GRM7: variants seen among roughly 807,000 people sequenced by gnomAD.
GRM7 encodes metabotropic glutamate receptor 7.
GRM7 carries 35 observed loss-of-function variants against 84.5 expected under a neutral mutation model. That is an observed-to-expected ratio of 0.41 (90% CI 0.32 to 0.55). The LOEUF is 0.55. Ranked by LOEUF, GRM7 falls within the 20% of genes least tolerant of loss-of-function variation. GRM7 has a pLI of 0.19. For missense variants in GRM7, 1,003 were observed against 1,194.6 expected (o/e 0.84, Z 2.36); for synonymous variants, 487 against 455.1 (o/e 1.07, Z -0.89).
chr3:7,504,406 A>G (rs1699977851), intron 7 of GRM7, among the ~76,000 whole-genome samples: 1 of 152,202 alleles, frequency 6.6e-6, no homozygotes, highest in Non-Finnish European at 1.5e-5. Context: ...CCCCCATCTT[A>G]GAGTAATTCC....
chr3:7,242,864 G>C (rs1697612594), intron 2 of GRM7, among the ~76,000 whole-genome samples: 2 of 152,096 alleles, frequency 1.3e-5, no homozygotes, highest in African/African-American at 2.4e-5. Flanking sequence ...CCTCCTGGCT[G>C]AACAGTATGG....
At chr3:6,916,888 A>G (rs1696959203) in intron 1 of GRM7, among the ~76,000 whole-genome samples, 1 of 152,220 alleles carries the variant, frequency 6.6e-6, no homozygotes, top group Non-Finnish European at 1.5e-5. Flanking sequence ...AGAAACTGAA[A>G]TGGTGGCTGG....
At chr3:7,124,163 A>G (rs1318925986) in intron 1 of GRM7, among the ~76,000 whole-genome samples, 1 of 152,202 alleles carries the variant, frequency 6.6e-6, no homozygotes, top group Non-Finnish European at 1.5e-5. Flanking sequence ...GATACAGTCA[A>G]AGCAAAAGAC....
chr3:7,225,503 A>G (rs1315272113), intron 2 of GRM7, among the ~76,000 whole-genome samples: 1 of 147,680 alleles, frequency 6.8e-6, no homozygotes, highest in Non-Finnish European at 1.5e-5. Flanking sequence ...TTTCTTTGGC[A>G]TTTTAAGAAA....
At chr3:7,488,313 C>A (rs972491918) in intron 7 of GRM7, among the ~76,000 whole-genome samples, 1 of 152,092 alleles carries the variant, frequency 6.6e-6, no homozygotes, top group South Asian at 2.1e-4. Flanking sequence ...ATGTGAATTT[C>A]CTCACAGTGG....
intron 1 of GRM7, among the ~76,000 whole-genome samples, chr3:6,959,990 G>A (rs539061080): frequency 5.9e-5 from 9 of 152,264 alleles, no homozygotes; most frequent in African/African-American, 2.2e-4. Context: ...GAGGAGGTCA[G>A]ACTAATAGAA....
At chr3:7,453,638 C>G (rs551297516) in intron 6 of GRM7, among the ~76,000 whole-genome samples, 2 of 152,226 alleles carry the variant, frequency 1.3e-5, no homozygotes, top group Non-Finnish European at 2.9e-5. Flanking sequence ...GTGCTGGCCT[C>G]CCCTGCACAA....
intron 5 of GRM7, among the ~76,000 whole-genome samples, chr3:7,435,136 AT>A (rs1246500502): frequency 6.6e-6 from 1 of 151,196 alleles, no homozygotes; most frequent in Non-Finnish European, 1.5e-5. Flanking sequence ...ATCTGTAGTG[AT>A]GAGGTTTCCT....
At chr3:6,993,769 G>T (rs1219514666) in intron 1 of GRM7, among the ~76,000 whole-genome samples, 1 of 152,154 alleles carries the variant, frequency 6.6e-6, no homozygotes, top group Admixed American at 6.5e-5. Flanking sequence ...CAAGCAAACA[G>T]GGCTTAACGA....
chr3:7,270,663 A>C (rs1698820588), intron 2 of GRM7, among the ~76,000 whole-genome samples: 1 of 152,170 alleles, frequency 6.6e-6, no homozygotes, highest in Non-Finnish European at 1.5e-5. Context: ...GCATAACTGT[A>C]AACAAACGCA....
At chr3:7,327,151 A>G (rs1701021399) in intron 4 of GRM7, among the ~76,000 whole-genome samples, 1 of 152,220 alleles carries the variant, frequency 6.6e-6, no homozygotes, top group Non-Finnish European at 1.5e-5. Flanking sequence ...ACTCATCCTG[A>G]GCATGCCTGT....
At chr3:7,475,592 C>T (rs1177775245) in intron 7 of GRM7, among the ~76,000 whole-genome samples, 3 of 152,154 alleles carry the variant, frequency 2.0e-5, no homozygotes, top group Admixed American at 6.5e-5. Flanking sequence ...TTCACTTTCT[C>T]GTCACTGTTA....
intron 2 of GRM7, among the ~76,000 whole-genome samples, chr3:7,184,544 G>A (rs1489994650): frequency 1.3e-5 from 2 of 151,814 alleles, no homozygotes; most frequent in African/African-American, 2.4e-5. Context: ...ATTCTTTTCT[G>A]TTCTCTATCC....
intron 1 of GRM7, among the ~76,000 whole-genome samples, chr3:7,007,855 A>G (rs1695232466): frequency 6.6e-6 from 1 of 152,218 alleles, no homozygotes; most frequent in African/African-American, 2.4e-5. Context: ...GAGAGATTTC[A>G]GTACTGGGAA....
At chr3:7,565,455 A>G (rs1039109809) in intron 7 of GRM7, among the ~76,000 whole-genome samples, 1 of 152,200 alleles carries the variant, frequency 6.6e-6, no homozygotes, top group Non-Finnish European at 1.5e-5. Flanking sequence ...TTTATGAATA[A>G]AACAATGCTC....
chr3:7,548,977 T>A (rs1047395264), intron 7 of GRM7, among the ~76,000 whole-genome samples: 1 of 152,224 alleles, frequency 6.6e-6, no homozygotes, highest in African/African-American at 2.4e-5. Flanking sequence ...GTCTGGGGTG[T>A]CTTACTCAGT....
intron 2 of GRM7, among the ~76,000 whole-genome samples, chr3:7,147,249 A>G (rs757236161): frequency 6.6e-6 from 1 of 152,192 alleles, no homozygotes; most frequent in East Asian, 1.9e-4. Context: ...TTGTTTATTT[A>G]GCTCAGATTG....
intron 1 of GRM7, among the ~76,000 whole-genome samples, chr3:7,082,613 C>T (rs373886998): frequency 6.6e-6 from 1 of 151,974 alleles, no homozygotes; most frequent in African/African-American, 2.4e-5. Context: ...GCTATAGCTG[C>T]CATAGATAGT....
In GRM7 at chr3:6,926,104, A is replaced by G. The variant is rs1697288593; in HGVS notation, c.519+64197A>G. On this transcript the variant is annotated intron_variant, in intron 1 of 9. Coordinates refer to ENST00000357716, the MANE Select transcript of GRM7 (RefSeq NM_000844.4). The stretch of plus-strand genomic sequence containing the variant: ...TGCACGTACACCCAAGGAAAACTAT[A>G]TTTCTATTAAATGTAATTCTTATGT... Among the ~76,000 whole-genome samples the G allele has an allele frequency of 2.0e-5, 3 of 152,312 alleles. No individual in the cohort carries two copies. In the South Asian group the frequency reaches 6.2e-4, roughly 32 times the overall value.
Sources: allele counts gnomAD v4.1 joint callset (sites outside exome capture counted in the v4.1 genomes callset), GRCh38; gene constraint gnomAD v4.1.1; transcripts MANE v1.5; gene names NCBI Gene and HGNC (gene_info 2026-07-23, HGNC 2026-07-21).